Variants in MROH9 observed in about 807,000 individuals in gnomAD.
MROH9 encodes maestro heat-like repeat-containing protein family member 9.
Under a neutral mutation model 98.2 loss-of-function variants are expected in MROH9, and 92 were observed. That is an observed-to-expected ratio of 0.94 (90% CI 0.79 to 1.11). The LOEUF (loss-of-function observed/expected upper bound fraction) is 1.11, where lower values mean the gene tolerates loss of function less well. MROH9 is among the 50% of genes most tolerant of loss of function. The probability of loss-of-function intolerance (pLI) is 0.00; values close to 1 mark genes in which losing one functional copy is unlikely to be tolerated. For synonymous variants in MROH9, 397 were observed against 368.9 expected, an observed-to-expected ratio of 1.08 and a Z score of -0.87; for missense variants, 1,057 against 1,014.8, an observed-to-expected ratio of 1.04 and a Z score of -0.57.
At chr1:171,012,320 C>G (rs1361579182) in intron 15 of MROH9, among the ~76,000 whole-genome samples, 1 of 152,000 alleles carries the variant, frequency 6.6e-6, no homozygotes, top group Admixed American at 6.6e-5. Flanking sequence ...TACCTTCTGA[C>G]ATGGTATCTA....
At chr1:171,020,381 C>G (rs977457270) in intron 17 of MROH9, among the ~76,000 whole-genome samples, 15 of 152,242 alleles carry the variant, frequency 9.9e-5, no homozygotes, top group African/African-American at 3.6e-4. Context: ...ACTGGCAAAA[C>G]AAATCCAGCA....
chr1:170,964,667 G>A (rs987998784), intron 6 of MROH9, among the ~76,000 whole-genome samples: 19 of 152,148 alleles, frequency 1.2e-4, no homozygotes, highest in Non-Finnish European at 1.2e-4. Flanking sequence ...CTCCGGTAAT[G>A]TACTCTCTAA....
intron 17 of MROH9, among the ~76,000 whole-genome samples, chr1:171,018,390 A>T (rs1652400618): frequency 6.6e-6 from 1 of 152,132 alleles, no homozygotes; most frequent in South Asian, 2.1e-4. Context: ...CAAAAACCCT[A>T]TTCAAATGTC....
At chr1:170,970,727 T>TGAGAGAGAGA (rs1460980153) in intron 7 of MROH9, among the ~76,000 whole-genome samples, 5 of 124,362 alleles carry the variant, frequency 4.0e-5, no homozygotes, top group South Asian at 3.2e-4. Flanking sequence ...TGTGTGTGTG[T>TGAGAGAGAGA]GTGTGAGAGA....
At chr1:170,947,600 A>G (rs370176156) in intron 3 of MROH9, 27 bp downstream of exon 3, 31 of 1,573,922 alleles carry the variant, frequency 2.0e-5, no homozygotes, top group Non-Finnish European at 2.7e-5. Context: ...AAGGATATCA[A>G]CGTAACTGAA....
At chr1:170,948,835 A>G (rs1649436791) in intron 3 of MROH9, among the ~76,000 whole-genome samples, 1 of 152,076 alleles carries the variant, frequency 6.6e-6, no homozygotes, top group Non-Finnish European at 1.5e-5. Context: ...TTCCAAGAAG[A>G]GGAAACAGCA....
At chr1:170,946,372 A>G (rs1649333000) in intron 2 of MROH9, among the ~76,000 whole-genome samples, 2 of 152,014 alleles carry the variant, frequency 1.3e-5, no homozygotes, top group Admixed American at 6.6e-5. Context: ...ATAAACAAGG[A>G]AAGACTGCTA....
intron 15 of MROH9, among the ~76,000 whole-genome samples, chr1:171,003,812 A>G (rs1247408060): frequency 6.6e-6 from 1 of 151,984 alleles, no homozygotes; most frequent in Non-Finnish European, 1.5e-5. Context: ...TCCCAAGATT[A>G]TATGCCATTT....
At chr1:170,992,448 T>C in intron 12 of MROH9, 119 bp downstream of exon 12, 1 of 1,004,986 alleles carries the variant, frequency 1.0e-6, no homozygotes, top group Non-Finnish European at 1.5e-6. Context: ...ATGCATCCAT[T>C]CATGCAACAC....
chr1:171,018,541 G>A (rs552583889), intron 17 of MROH9, among the ~76,000 whole-genome samples: 5 of 152,296 alleles, frequency 3.3e-5, no homozygotes, highest in African/African-American at 1.2e-4. Flanking sequence ...ACATAGAACT[G>A]GACGGAGGAT....
At chr1:170,954,847 C>A (rs1379466325) in intron 3 of MROH9, among the ~76,000 whole-genome samples, 3 of 151,796 alleles carry the variant, frequency 2.0e-5, no homozygotes, top group Non-Finnish European at 4.4e-5. Context: ...TATTGGGGTA[C>A]AGGTGGTATT....
chr1:171,039,877 A>G (rs1385752720), intron 20 of MROH9, among the ~76,000 whole-genome samples: 1 of 152,146 alleles, frequency 6.6e-6, no homozygotes, highest in Non-Finnish European at 1.5e-5. Context: ...CCACCTGCCA[A>G]TAAGAGTATC....
At chr1:170,949,072 C>T (rs766435614) in intron 3 of MROH9, among the ~76,000 whole-genome samples, 31 of 152,150 alleles carry the variant, frequency 2.0e-4, no homozygotes, top group South Asian at 6.2e-4. Context: ...GCAGGGCACT[C>T]TGGAACTGGA....
chr1:171,053,632 A>G (rs1653738374), intron 20 of MROH9, among the ~76,000 whole-genome samples: 1 of 152,238 alleles, frequency 6.6e-6, no homozygotes, highest in African/African-American at 2.4e-5. Flanking sequence ...TAGATATAGA[A>G]TGAATAATAT....
chr1:170,992,174 C>T lies in MROH9; in HGVS notation c.1039C>T (p.Gln347Ter). 2 of 1,610,180 alleles carry T rather than the reference C, an allele frequency of 1.2e-6. No homozygotes were observed. The highest frequency in any genetic ancestry group is 2.2e-5 in the East Asian group (1 of 44,726). The change falls in exon 12 of 22, where the codon CAG (glutamine) becomes TAG (stop). Residue 347 changes from glutamine to a stop codon, truncating the protein, a stop_gained. Coordinates refer to ENST00000367759, the MANE Select transcript of MROH9 (RefSeq NM_001163629.2). LOFTEE classifies it high-confidence loss of function. ...YPVPADDTLI[Q>*]MWKAACSQAS... ...GGGCTGTGTTTGCAGCACTCTGATACAGATGTGGAAGGCGGCATGTTCTCA... is the reference window on the plus strand; with the variant it reads ...GGGCTGTGTTTGCAGCACTCTGATATAGATGTGGAAGGCGGCATGTTCTCA...
chr1:170,987,918 A>G (rs1249021440), intron 10 of MROH9, among the ~76,000 whole-genome samples: 1 of 152,168 alleles, frequency 6.6e-6, no homozygotes. Flanking sequence ...TTTTTAAAGT[A>G]GGTTACAGTT....
Position 170,996,638 on chromosome 1 carries a change from T to G in MROH9, c.1469T>G (p.Ile490Ser). The change falls in exon 14 of 22, where the codon ATT becomes AGT. Residue 490 changes from isoleucine (I) to serine (S), a missense_variant. Physicochemically the swap from Ile to Ser is moderately radical, Grantham distance 142 (BLOSUM62 -2). Coordinates refer to ENST00000367759, the MANE Select transcript of MROH9 (RefSeq NM_001163629.2). Reference protein sequence around the residue: ...DLCYYHGVCFIAKTLSEYNFP... With the variant: ...DLCYYHGVCFSAKTLSEYNFP... ...TGTTACTATCATGGAGTCTGCTTTA[T>G]TGCTAAGTAAGAACAGGGGTCTCTG... 6.2e-7 allele frequency: 1 copy of G among 1,613,372 alleles called. No homozygotes were observed. Among genetic ancestry groups the G allele is most frequent in the Non-Finnish European group, 8.5e-7 (1 of 1,179,520 alleles).
chr1:170,957,965 C>T (rs9427203), intron 3 of MROH9, among the ~76,000 whole-genome samples: 12,130 of 152,122 alleles, frequency 0.08, 625 homozygotes, highest in Non-Finnish European at 0.11. Flanking sequence ...CCCGCTACCA[C>T]GCCCGGCTAA....
intron 20 of MROH9, among the ~76,000 whole-genome samples, chr1:171,061,622 A>G (rs1255316248): frequency 6.6e-6 from 1 of 152,172 alleles, no homozygotes; most frequent in Non-Finnish European, 1.5e-5. Context: ...GTATGATGAA[A>G]ACAACCATAG....
Sources: gnomAD v4.1 joint callset for allele counts (sites outside exome capture counted in the v4.1 genomes callset) on GRCh38, gnomAD v4.1.1 for gene constraint, MANE v1.5 for transcripts, NCBI Gene and HGNC (gene_info 2026-07-23, HGNC 2026-07-21) for gene names.